The following MIA2 variants were observed in gnomAD, a reference collection of about 807,000 sequenced individuals.
MIA2 encodes the protein MIA SH3 domain ER export factor 2, also known as melanoma inhibitory activity protein 2.
Under a neutral mutation model 167.8 loss-of-function variants are expected in MIA2, and 127 were observed. The observed-to-expected ratio is 0.76, with a 90% CI of 0.66 to 0.88. The LOEUF (loss-of-function observed/expected upper bound fraction) is 0.88. Among genes scored for constraint, MIA2 ranks in the 40% least tolerant of loss-of-function variants. MIA2 has a pLI of 0.00. For synonymous variants in MIA2, 552 were observed against 541.9 expected (o/e 1.02, Z -0.26); for missense variants, 1,690 against 1,624.7 (o/e 1.04, Z -0.69).
At chr14:39,297,859 C>T (rs1055746248) in intron 13 of MIA2, among the ~76,000 whole-genome samples, 1 of 152,040 alleles carries the variant, frequency 6.6e-6, no homozygotes, top group Non-Finnish European at 1.5e-5. Context: ...GGTATTTGTG[C>T]CTTCAAATCA....
At chr14:39,261,050 T>G (rs2055080573) in intron 6 of MIA2, among the ~76,000 whole-genome samples, 1 of 152,118 alleles carries the variant, frequency 6.6e-6, no homozygotes, top group African/African-American at 2.4e-5. Flanking sequence ...GCAGGTTTGT[T>G]GCATATGTAT....
chr14:39,337,200 G>A (rs755638970), intron 25 of MIA2, among the ~76,000 whole-genome samples: 5 of 152,174 alleles, frequency 3.3e-5, no homozygotes, highest in African/African-American at 4.8e-5. Context: ...GATACACCAT[G>A]CAAACATTAA....
At chr14:39,286,501 TTG>T (rs1351798592) in intron 9 of MIA2, among the ~76,000 whole-genome samples, 1 of 152,176 alleles carries the variant, frequency 6.6e-6, no homozygotes, top group African/African-American at 2.4e-5. Context: ...AGGTCGTTAT[TTG>T]TGTATAGAAA....
intron 25 of MIA2, among the ~76,000 whole-genome samples, chr14:39,333,336 C>T (rs1246379515): frequency 1.3e-5 from 2 of 152,156 alleles, no homozygotes; most frequent in Non-Finnish European, 2.9e-5. Context: ...AGCCTTTTCC[C>T]TTCTGTGGTG....
At chr14:39,351,617 G>A (rs988491079), downstream of MIA2, among the ~76,000 whole-genome samples, 1 of 152,092 alleles carries the variant, frequency 6.6e-6, no homozygotes, top group African/African-American at 2.4e-5. Context: ...TGGGATTTGT[G>A]CCCTTATAAA....
rs2067541483 is a variant in MIA2 at position 39,326,328 on chromosome 14, A to G, written c.3497-536A>G. On this transcript the variant is annotated intron_variant, in intron 24 of 28. Transcript: ENST00000640607. ...TTTAAAATCATTTTGGGGCAGAAGT[A>G]TTTATCTTTTTTATCTTCTCATTGA... 2.0e-5 allele frequency among the ~76,000 whole-genome samples: 3 copies of G among 152,098 alleles called. No individual in the cohort carries two copies. The South Asian group carries it at 6.2e-4, about 32-fold the overall frequency.
intron 7 of MIA2, among the ~76,000 whole-genome samples, chr14:39,277,680 ATATATATGTGTG>A (rs2058228815): frequency 6.9e-5 from 1 of 14,396 alleles, no homozygotes; most frequent in Non-Finnish European, 1.3e-4. Flanking sequence ...TTTTATATAT[ATATATATGTGTG>A]TATATATATA....
rs528801351 is a variant in MIA2 at position 39,340,062 on chromosome 14, C to T, written c.3656-5842C>T. On this transcript the variant is annotated intron_variant, in intron 25 of 28. Transcript: ENST00000640607. Reference sequence around the variant, plus strand: ...CTCACTATGTTGCCCAGGCAGGTTTCGAAATCCTTGGCTCAAGCAATCCTC... The same window carrying T: ...CTCACTATGTTGCCCAGGCAGGTTTTGAAATCCTTGGCTCAAGCAATCCTC... 2.0e-4 allele frequency among the ~76,000 whole-genome samples: 31 copies of T among 152,230 alleles called. No homozygotes were observed. In the East Asian group the frequency reaches 2.1e-3, roughly 10 times the overall value.
intron 21 of MIA2, among the ~76,000 whole-genome samples, chr14:39,316,916 A>G (rs1020850845): frequency 6.6e-6 from 1 of 152,112 alleles, no homozygotes; most frequent in Non-Finnish European, 1.5e-5. Context: ...TAGAATGAAA[A>G]CCACAAACAA....
chr14:39,325,792 C>T (rs955858956), intron 24 of MIA2, among the ~76,000 whole-genome samples: 2 of 151,742 alleles, frequency 1.3e-5, no homozygotes, highest in Non-Finnish European at 2.9e-5. Context: ...TGGCTCACTG[C>T]AACCTCCACC....
At chr14:39,371,060 A>G (rs1484621469) in intron 23 of MIA2, among the ~76,000 whole-genome samples, 1 of 152,132 alleles carries the variant, frequency 6.6e-6, no homozygotes, top group Non-Finnish European at 1.5e-5. Flanking sequence ...TCTAACGTAA[A>G]TCATTTTTAT....
intron 25 of MIA2, 47 bp from the exon 26 acceptor site, chr14:39,345,857 G>C (rs138125907): frequency 2.0e-6 from 3 of 1,527,386 alleles, no homozygotes; most frequent in African/African-American, 2.8e-5. Flanking sequence ...AAGTAAACTT[G>C]ATTTATATTT....
intron 6 of MIA2, among the ~76,000 whole-genome samples, chr14:39,262,077 C>T (rs553254980): frequency 6.6e-6 from 1 of 152,288 alleles, no homozygotes; most frequent in African/African-American, 2.4e-5. Context: ...TGCCTATGTC[C>T]TGAATGGGAT....
chr14:39,382,841 TTTA>T (rs2075193862), intron 23 of MIA2, among the ~76,000 whole-genome samples: 1 of 152,164 alleles, frequency 6.6e-6, no homozygotes, highest in African/African-American at 2.4e-5. Flanking sequence ...TGTGTTCTAG[TTTA>T]TTATTTGAAA....
In MIA2 at chr14:39,247,722, C is replaced by T. The variant is rs754449120; in HGVS notation, c.1148C>T (p.Ala383Val). 1.2e-6 allele frequency: 2 copies of T among 1,611,676 alleles called. No individual in the cohort carries two copies. Among genetic ancestry groups the T allele is most frequent in the East Asian group, 4.5e-5 (2 of 44,858 alleles). ...CCAAGTTGGTTTGATTTTGGTTTTGCTATACTAGGCTTTGCATATGCCAAG... is the reference window on the plus strand; with the variant it reads ...CCAAGTTGGTTTGATTTTGGTTTTGTTATACTAGGCTTTGCATATGCCAAG... ...LKPSWFDFGFAILGFAYAKED... is the reference protein window; with the variant it reads ...LKPSWFDFGFVILGFAYAKED... Residue 383 changes from alanine (A) to valine (V), a missense_variant, in exon 4 of 29, where the codon GCT (alanine) becomes GTT (valine). Transcript: ENST00000640607.
chr14:39,385,322 T>C, intron 23 of MIA2: 1 of 746,550 alleles, frequency 1.3e-6, no homozygotes, highest in East Asian at 2.5e-5. Context: ...CCAAATCCTC[T>C]TTAAAAAAAA....
chr14:39,279,363 G>T lies in MIA2; in HGVS notation c.2041+5G>T. ...TTAGGAGTCGGCTTTATGTGGGTAA[G>T]TTCTTTTTTCTGCTTTGACTCTCAT... On this transcript the variant is annotated splice_donor_5th_base_variant and intron_variant, in intron 8 of 28. Coordinates refer to ENST00000640607, the MANE Select transcript of MIA2 (RefSeq NM_001329214.4). 6.2e-7 allele frequency: 1 copy of T among 1,608,354 alleles called. No individual in the cohort carries two copies. Among genetic ancestry groups the T allele is most frequent in the Non-Finnish European group, 8.5e-7 (1 of 1,178,594 alleles).
intron 23 of MIA2, among the ~76,000 whole-genome samples, chr14:39,378,743 T>C (rs1431907836): frequency 6.6e-6 from 1 of 152,212 alleles, no homozygotes; most frequent in African/African-American, 2.4e-5. Context: ...ATTTCATATT[T>C]GACAATACTT....
intron 23 of MIA2, among the ~76,000 whole-genome samples, chr14:39,379,837 A>C (rs1262664621): frequency 6.6e-6 from 1 of 152,124 alleles, no homozygotes; most frequent in African/African-American, 2.4e-5. Flanking sequence ...GCAACAGAGC[A>C]AGACTATGTC....
Sources: allele counts gnomAD v4.1 joint callset (sites outside exome capture counted in the v4.1 genomes callset), GRCh38; gene constraint gnomAD v4.1.1; transcripts MANE v1.5; gene names NCBI Gene and HGNC (gene_info 2026-07-23, HGNC 2026-07-21).